The following DNAH12 variants were observed in gnomAD, a reference collection of about 807,000 sequenced individuals.
DNAH12 encodes axonemal beta dynein heavy chain 12.
In DNAH12, 285 loss-of-function variants were observed where a neutral mutation model predicts 371.5. That is an observed-to-expected ratio of 0.77 (90% CI 0.70 to 0.85). The LOEUF (loss-of-function observed/expected upper bound fraction) is 0.85. Among genes scored for constraint, DNAH12 ranks in the 40% least tolerant of loss-of-function variants. The pLI is 0.00. For missense variants in DNAH12, 3,611 were observed against 3,689.4 expected (o/e 0.98, Z 0.55); for synonymous variants, 1,200 against 1,213.0 (o/e 0.99, Z 0.22).
At chr3:57,427,044 G>T (rs1485984928) in intron 34 of DNAH12, among the ~76,000 whole-genome samples, 2 of 151,454 alleles carry the variant, frequency 1.3e-5, no homozygotes, top group Non-Finnish European at 1.5e-5. Context: ...TCTTTTAAAT[G>T]GCACTTTTTT....
chr3:57,311,537 A>G (rs1480578769), intron 66 of DNAH12, among the ~76,000 whole-genome samples: 1 of 152,246 alleles, frequency 6.6e-6, no homozygotes, highest in Non-Finnish European at 1.5e-5. Flanking sequence ...TTATGGCACT[A>G]GCTATCAACT....
chr3:57,479,467 T>A (rs1185173384), intron 13 of DNAH12, among the ~76,000 whole-genome samples: 1 of 152,062 alleles, frequency 6.6e-6, no homozygotes, highest in Non-Finnish European at 1.5e-5. Context: ...CACACAATAA[T>A]AATGGGAGAC....
rs1321261625 is a variant in DNAH12 at position 57,544,315 on chromosome 3, CG to C, written c.-153del. 6.6e-6 allele frequency: 1 copy of C among 152,184 alleles called. No homozygotes were observed. The highest frequency in any genetic ancestry group is 1.5e-5 in the Non-Finnish European group (1 of 68,046). 9.4% of individuals were successfully genotyped at this position (152,184 alleles called of 1,614,324 possible). ...GAGGGAGAAACCTCCGGAACGCCAC[CG>C]GCTCTCAAACGAGTAGCTGGAGAAG... On this transcript the variant is annotated 5_prime_UTR_variant, in exon 1 of 74. Coordinates refer to ENST00000495027, the MANE Select transcript of DNAH12 (RefSeq NM_001366028.2).
intron 11 of DNAH12, among the ~76,000 whole-genome samples, chr3:57,498,866 A>G (rs6768392): frequency 0.67 from 101,580 of 151,768 alleles, 34,225 homozygotes; most frequent in South Asian, 0.75. Flanking sequence ...GGCCATGGTG[A>G]TGGGTGCCTG....
chr3:57,394,542 C>T (rs1575540030), intron 43 of DNAH12, among the ~76,000 whole-genome samples: 1 of 152,158 alleles, frequency 6.6e-6, no homozygotes, highest in African/African-American at 2.4e-5. Flanking sequence ...AAACCCTAGA[C>T]ATAATCACTG....
chr3:57,353,827 A>G (rs2062737936), intron 59 of DNAH12, among the ~76,000 whole-genome samples: 1 of 152,212 alleles, frequency 6.6e-6, no homozygotes, highest in South Asian at 2.1e-4. Flanking sequence ...ACAATGGGAT[A>G]CCATCTCACA....
intron 25 of DNAH12, among the ~76,000 whole-genome samples, chr3:57,447,375 CAT>C (rs1396433763): frequency 6.6e-6 from 1 of 152,078 alleles, no homozygotes; most frequent in Non-Finnish European, 1.5e-5. Context: ...TTTTTAGAAA[CAT>C]AAATTACAGT....
chr3:57,525,171 A>AG (rs2068598286), intron 2 of DNAH12, among the ~76,000 whole-genome samples: 2 of 139,160 alleles, frequency 1.4e-5, no homozygotes, highest in South Asian at 2.1e-4. Context: ...AAAAAAAAAA[A>AG]GAAAAAAAAT....
intron 12 of DNAH12, among the ~76,000 whole-genome samples, chr3:57,486,054 T>C (rs2066915035): frequency 6.6e-6 from 1 of 151,678 alleles, no homozygotes; most frequent in Non-Finnish European, 1.5e-5. Flanking sequence ...ACCCCATCTC[T>C]ACTAAAAATA....
At chr3:57,431,585 G>C (rs183586413) in intron 32 of DNAH12, among the ~76,000 whole-genome samples, 2 of 152,018 alleles carry the variant, frequency 1.3e-5, no homozygotes, top group African/African-American at 4.8e-5. Flanking sequence ...TCTTTCATTA[G>C]GCAGCTTTTG....
At chr3:57,448,540 A>AAC (rs2065619172) in intron 25 of DNAH12, among the ~76,000 whole-genome samples, 1 of 49,510 alleles carries the variant, frequency 2.0e-5, no homozygotes. Flanking sequence ...CAGTGGACCC[A>AAC]GAGTGAGCAG....
At chr3:57,416,050 A>C (rs2064366636) in intron 37 of DNAH12, among the ~76,000 whole-genome samples, 1 of 151,970 alleles carries the variant, frequency 6.6e-6, no homozygotes, top group Non-Finnish European at 1.5e-5. Flanking sequence ...GGCCTCCCAA[A>C]GTGCTGGGAT....
At chr3:57,322,569 A>T (rs878874194) in intron 64 of DNAH12, 86 bp from the exon 65 acceptor site, 1 of 1,380,944 alleles carries the variant, frequency 7.2e-7, no homozygotes, top group South Asian at 1.6e-5. Flanking sequence ...AAAAACAGGC[A>T]TAATGGAGAA....
intron 65 of DNAH12, among the ~76,000 whole-genome samples, chr3:57,316,112 C>A (rs1429319561): frequency 6.7e-6 from 1 of 148,690 alleles, no homozygotes; most frequent in African/African-American, 2.5e-5. Flanking sequence ...AACATACTTT[C>A]TTAAAAAATA....
chr3:57,420,493 T>G (rs1037630562), intron 36 of DNAH12, among the ~76,000 whole-genome samples: 1 of 152,142 alleles, frequency 6.6e-6, no homozygotes, highest in Non-Finnish European at 1.5e-5. Flanking sequence ...ATGTACATAT[T>G]TTACAGTCAA....
In DNAH12 at chr3:57,446,656, G is replaced by C; in HGVS notation, c.3820C>G (p.Pro1274Ala). 1 of 1,544,160 alleles carries C rather than the reference G, an allele frequency of 6.5e-7. No individual in the cohort carries two copies. Among genetic ancestry groups the C allele is most frequent in the Non-Finnish European group, 8.7e-7 (1 of 1,143,678 alleles). ...TTTCCTGTGCCTGCTGGCCCCTCTG[G>C]AGCACCTCCAAGGTTTAAATAGAAA... The part of the protein sequence containing the change: ...GAFYLNLGGA[P>A]EGPAGTGKTE... Residue 1274 changes from proline (P) to alanine (A), a missense_variant, in exon 26 of 74, where the codon CCA (proline) becomes GCA (alanine). Pro to Ala is a conservative substitution (Grantham distance 27, BLOSUM62 -1). Around this residue, in one of 3 missense-constraint regions of DNAH12, gnomAD observed 2,266 missense variants for 2,236.9 expected, o/e 1.01. Transcript: ENST00000495027.
chr3:57,419,898 T>C (rs1005362023), intron 36 of DNAH12, among the ~76,000 whole-genome samples: 2 of 152,166 alleles, frequency 1.3e-5, no homozygotes, highest in Admixed American at 6.5e-5. Flanking sequence ...ATACATTGAG[T>C]ATTTATTTGA....
Position 57,453,368 on chromosome 3 carries a change from T to A in DNAH12, c.3492A>T (p.Gln1164His), listed in dbSNP as rs532104222. The A allele has an allele frequency of 4.1e-5, 63 of 1,550,218 alleles. No homozygotes were observed. In the Admixed American group the frequency reaches 1.2e-3, roughly 30 times the overall value. Residue 1164 changes from glutamine to histidine, a missense_variant, in exon 24 of 74, where the codon CAA becomes CAT. Coordinates refer to ENST00000495027, the MANE Select transcript of DNAH12 (RefSeq NM_001366028.2). ...TTACCAGCTCTACAATCTCATTCAG[T>A]TGGTTCTGAAGTTCCTTATAATACT... ...LKKYYKELQN[Q>H]LNEIVELVRG...
chr3:57,366,286 C>T (rs1453877846), intron 57 of DNAH12, among the ~76,000 whole-genome samples: 2 of 152,138 alleles, frequency 1.3e-5, no homozygotes, highest in African/African-American at 4.8e-5. Flanking sequence ...AAAAGGGAAG[C>T]ATAAATAATC....
Sources: gnomAD v4.1 joint callset for allele counts (sites outside exome capture counted in the v4.1 genomes callset) on GRCh38, gnomAD v4.1.1 for gene constraint, gnomAD v4.1.1 regional missense constraint, MANE v1.5 for transcripts, NCBI Gene and HGNC (gene_info 2026-07-23, HGNC 2026-07-21) for gene names.